SHISA9: variants seen among roughly 807,000 people sequenced by gnomAD.
SHISA9 encodes protein shisa-9.
In SHISA9, 13 loss-of-function variants were observed where a neutral mutation model predicts 38.0. The observed-to-expected ratio is 0.34, with a 90% CI of 0.22 to 0.54. The LOEUF (loss-of-function observed/expected upper bound fraction) is 0.54, where lower values mean the gene tolerates loss of function less well. Ranked by LOEUF, SHISA9 falls within the 20% of genes least tolerant of loss-of-function variation. SHISA9 has a pLI of 0.91. For synonymous variants in SHISA9, 275 were observed against 242.0 expected (o/e 1.14, Z -1.27); for missense variants, 538 against 575.8 (o/e 0.93, Z 0.67).
At chr16:13,283,236 T>C in the SHISA9 span, among the ~76,000 whole-genome samples, 38 of 152,286 alleles carry the variant, frequency 2.5e-4, no homozygotes, top group African/African-American at 8.9e-4. Flanking sequence ...TTAGAATGTA[T>C]TTATCAAATT....
the SHISA9 span, among the ~76,000 whole-genome samples, chr16:13,495,689 G>T: frequency 6.6e-6 from 1 of 151,606 alleles, no homozygotes; most frequent in Non-Finnish European, 1.5e-5. Flanking sequence ...AAAGGAAAAA[G>T]TATATAATAA....
At chr16:13,166,806 GGGAAGAAGA>G (rs2050640228) in intron 2 of SHISA9, among the ~76,000 whole-genome samples, 1 of 152,116 alleles carries the variant, frequency 6.6e-6, no homozygotes, top group African/African-American at 2.4e-5. Flanking sequence ...GGCAGAAGCA[GGGAAGAAGA>G]GGAGGCAGTA....
At chr16:13,223,460 C>T (rs1170857281) in intron 4 of SHISA9, among the ~76,000 whole-genome samples, 2 of 152,116 alleles carry the variant, frequency 1.3e-5, no homozygotes, top group African/African-American at 4.8e-5. Context: ...TCATATAAAA[C>T]TGGTGCATTG....
chr16:13,228,571 C>T (rs2051301454), intron 4 of SHISA9, among the ~76,000 whole-genome samples: 1 of 152,112 alleles, frequency 6.6e-6, no homozygotes, highest in Admixed American at 6.5e-5. Context: ...GATGCTGGAT[C>T]ATTATAAGAC....
At chr16:13,314,844 G>T in the SHISA9 span, among the ~76,000 whole-genome samples, 1 of 152,144 alleles carries the variant, frequency 6.6e-6, no homozygotes, top group Non-Finnish European at 1.5e-5. Flanking sequence ...ATGGGGAGTT[G>T]TTCAATTGGC....
chr16:13,210,331 G>C (rs756973894), intron 3 of SHISA9, among the ~76,000 whole-genome samples: 1 of 152,106 alleles, frequency 6.6e-6, no homozygotes, highest in Non-Finnish European at 1.5e-5. Flanking sequence ...ATGATCATGT[G>C]CCCTTAAGAT....
At chr16:13,011,531 T>A (rs1466654258) in intron 2 of SHISA9, among the ~76,000 whole-genome samples, 1 of 152,104 alleles carries the variant, frequency 6.6e-6, no homozygotes, top group Non-Finnish European at 1.5e-5. Context: ...TATTTGACTT[T>A]CTTTTTTGGA....
chr16:13,031,745 G>C (rs1314153726), intron 2 of SHISA9, among the ~76,000 whole-genome samples: 1 of 152,160 alleles, frequency 6.6e-6, no homozygotes, highest in African/African-American at 2.4e-5. Context: ...TTCTGTTACA[G>C]TACTTGTTCT....
intron 2 of SHISA9, among the ~76,000 whole-genome samples, chr16:13,136,974 G>A (rs1159365588): frequency 6.6e-6 from 1 of 152,186 alleles, no homozygotes; most frequent in Non-Finnish European, 1.5e-5. Flanking sequence ...GGTTCTGCAG[G>A]AAACAGAACA....
At chr16:13,414,726 C>A in the SHISA9 span, among the ~76,000 whole-genome samples, 1 of 148,514 alleles carries the variant, frequency 6.7e-6, no homozygotes, top group Admixed American at 6.9e-5. Context: ...GTCATTGCAA[C>A]CTCTGCCTCC....
chr16:13,476,662 C>T, the SHISA9 span, among the ~76,000 whole-genome samples: 2 of 151,920 alleles, frequency 1.3e-5, no homozygotes, highest in African/African-American at 4.8e-5. Context: ...TCTACAGACC[C>T]TCCCTCCCAT....
chr16:12,974,564 CA>C (rs1243038185), intron 2 of SHISA9, among the ~76,000 whole-genome samples: 49 of 145,660 alleles, frequency 3.4e-4, no homozygotes, highest in Non-Finnish European at 3.0e-5. Context: ...TGGCTCACTG[CA>C]ACCTCCAACC....
intron 2 of SHISA9, among the ~76,000 whole-genome samples, chr16:13,017,652 T>C (rs1596587590): frequency 6.6e-6 from 1 of 152,322 alleles, no homozygotes; most frequent in African/African-American, 2.4e-5. Context: ...CATTGAATCT[T>C]TATTCAGTGT....
chr16:13,520,456 A>G, the SHISA9 span, among the ~76,000 whole-genome samples: 1 of 151,782 alleles, frequency 6.6e-6, no homozygotes, highest in Middle Eastern at 3.4e-3. Flanking sequence ...AAAAAAAATT[A>G]GCCGGTCATG....
At chr16:13,196,965 A>G (rs1442466143) in intron 2 of SHISA9, among the ~76,000 whole-genome samples, 1 of 152,136 alleles carries the variant, frequency 6.6e-6, no homozygotes, top group Non-Finnish European at 1.5e-5. Flanking sequence ...ATGGTGGTTC[A>G]CACCTGTAAT....
At chr16:13,437,049 A>G in the SHISA9 span, among the ~76,000 whole-genome samples, 1 of 152,104 alleles carries the variant, frequency 6.6e-6, no homozygotes, top group African/African-American at 2.4e-5. Flanking sequence ...GGGAAACCCC[A>G]CCCCATGATT....
At chr16:13,507,111 T>C in the SHISA9 span, among the ~76,000 whole-genome samples, 83,558 of 151,700 alleles carry the variant, frequency 0.55, 23,056 homozygotes, top group Middle Eastern at 0.6. Flanking sequence ...ACTCATTGAT[T>C]GTTTCACACT....
At chr16:13,174,510 G>C (rs767660275) in intron 2 of SHISA9, among the ~76,000 whole-genome samples, 3 of 152,214 alleles carry the variant, frequency 2.0e-5, no homozygotes, top group Non-Finnish European at 4.4e-5. Flanking sequence ...ATTAAGGCAG[G>C]CAAACTGGAG....
chr16:13,286,727 C>T, the SHISA9 span, among the ~76,000 whole-genome samples: 1 of 152,138 alleles, frequency 6.6e-6, no homozygotes, highest in Non-Finnish European at 1.5e-5. Flanking sequence ...GGACAGCAGA[C>T]ATCCATAGAT....
Sources: allele counts gnomAD v4.1 joint callset (sites outside exome capture counted in the v4.1 genomes callset), GRCh38; gene constraint gnomAD v4.1.1; transcripts MANE v1.5; gene names NCBI Gene and HGNC (gene_info 2026-07-23, HGNC 2026-07-21).